The following PCDHGA12 variants were observed in gnomAD, a reference collection of about 807,000 sequenced individuals.
PCDHGA12 encodes the protein protocadherin gamma subfamily A, 12.
In PCDHGA12, 43 loss-of-function variants were observed where a neutral mutation model predicts 61.1. The observed-to-expected ratio is 0.70, with a 90% CI of 0.55 to 0.91. PCDHGA12 has a LOEUF of 0.91. Ranked by LOEUF, PCDHGA12 falls within the 40% of genes least tolerant of loss-of-function variation. The pLI is 0.00. For missense variants in PCDHGA12, 1,236 were observed against 1,227.7 expected (o/e 1.01, Z -0.10); for synonymous variants, 520 against 542.9 (o/e 0.96, Z 0.59).
intron 1 of PCDHGA12, among the ~76,000 whole-genome samples, chr5:141,472,145 A>G (rs1376068421): frequency 6.6e-6 from 1 of 152,244 alleles, no homozygotes; most frequent in Non-Finnish European, 1.5e-5. Flanking sequence ...TAAAAGTTTC[A>G]TGGTTACATA....
At chr5:141,440,763 T>A (rs2098198978) in intron 1 of PCDHGA12, 1 of 152,138 alleles carries the variant, frequency 6.6e-6, no homozygotes, top group Admixed American at 6.6e-5. Flanking sequence ...AGAGCTCCCA[T>A]CCCTTAGTGC....
In PCDHGA12 at chr5:141,476,476, C is replaced by T; in HGVS notation, c.2425-18331C>T. 6.2e-7 allele frequency: 1 copy of T among 1,613,986 alleles called. No homozygotes were observed. The highest frequency in any genetic ancestry group is 8.5e-7 in the Non-Finnish European group (1 of 1,179,992). On this transcript the variant is annotated intron_variant, in intron 1 of 3. Transcript: ENST00000252085. The surrounding 1 kb of genome is among the most constrained non-coding windows in gnomAD (Gnocchi z 7.6). Reference sequence around the variant, plus strand: ...TGGAGAACCCGCTGGAGCTGTTCAGCGTGGAAGTGGTGATCCAGGACATCA... The same window carrying T: ...TGGAGAACCCGCTGGAGCTGTTCAGTGTGGAAGTGGTGATCCAGGACATCA...
In PCDHGA12 at chr5:141,487,169, G is replaced by A. The variant is rs1259980100; in HGVS notation, c.2425-7638G>A. On this transcript the variant is annotated intron_variant, in intron 1 of 3. Coordinates refer to ENST00000252085, the MANE Select transcript of PCDHGA12 (RefSeq NM_003735.3). The surrounding 1 kb of genome is among the most constrained non-coding windows in gnomAD (Gnocchi z 5.0). ...CTCTGTTACTCTCTTAGTGTCCTTA[G>A]AGGAAGACACTCATCCAGTTGTCCC... 6.2e-7 allele frequency: 1 copy of A among 1,613,086 alleles called. No homozygotes were observed. Among genetic ancestry groups the A allele is most frequent in the South Asian group, 1.1e-5 (1 of 91,072 alleles).
At position 141,449,665 on chromosome 5, in the gene PCDHGA12, G is replaced by T. The variant is rs144213743; in HGVS notation, c.2424+16482G>T. 9.3e-5 allele frequency among the ~76,000 whole-genome samples: 14 copies of T among 150,156 alleles called. No individual in the cohort carries two copies. In the East Asian group the frequency reaches 2.7e-3, roughly 29 times the overall value. Reference sequence around the variant, plus strand: ...TATACATATTTACATACACACCCAAGTGTGTATGTATATATGTTTGTGTGT... The same window carrying T: ...TATACATATTTACATACACACCCAATTGTGTATGTATATATGTTTGTGTGT... On this transcript the variant is annotated intron_variant, in intron 1 of 3. Coordinates refer to ENST00000252085, the MANE Select transcript of PCDHGA12 (RefSeq NM_003735.3).
At chr5:141,438,362 T>C (rs1471364176) in intron 1 of PCDHGA12, among the ~76,000 whole-genome samples, 1 of 151,850 alleles carries the variant, frequency 6.6e-6, no homozygotes, top group East Asian at 1.9e-4. Flanking sequence ...TGTATTGTCA[T>C]TGAGGGCAGA....
At position 141,511,260 on chromosome 5, in the gene PCDHGA12, G is replaced by A; in HGVS notation, c.*87G>A. 6.4e-7 allele frequency: 1 copy of A among 1,558,596 alleles called. No individual in the cohort carries two copies. Among genetic ancestry groups the A allele is most frequent in the Non-Finnish European group, 8.7e-7 (1 of 1,151,758 alleles). On this transcript the variant is annotated 3_prime_UTR_variant, in exon 4 of 4. Transcript: ENST00000252085. ...CCTGCACCCAGGCCTCAGAGTTTCA[G>A]GGCTAACCCCCAGAATACTGGTAGG...
In PCDHGA12 at chr5:141,471,825, A is replaced by G. The variant is rs150400990; in HGVS notation, c.2425-22982A>G. Among the ~76,000 whole-genome samples, 61 of 152,344 alleles carry G rather than the reference A, an allele frequency of 4.0e-4. No individual in the cohort carries two copies. In the East Asian group the frequency reaches 0.011, roughly 27 times the overall value. ...ACATATAAAAGACTACCTATTTTAT[A>G]ATTCCTTTTTAATAAAATATTCAGA... On this transcript the variant is annotated intron_variant, in intron 1 of 3. Coordinates refer to ENST00000252085, the MANE Select transcript of PCDHGA12 (RefSeq NM_003735.3).
intron 3 of PCDHGA12, among the ~76,000 whole-genome samples, chr5:141,508,752 C>G (rs2099871515): frequency 6.6e-6 from 1 of 152,028 alleles, no homozygotes. Flanking sequence ...CGCTCTTTCT[C>G]TGGCGCCTCT....
In PCDHGA12 at chr5:141,431,814, T is replaced by C. The variant is rs1300319049; in HGVS notation, c.1055T>C (p.Leu352Pro). 1 of 1,614,246 alleles carries C rather than the reference T, an allele frequency of 6.2e-7. No homozygotes were observed. Among genetic ancestry groups the C allele is most frequent in the Non-Finnish European group, 8.5e-7 (1 of 1,180,044 alleles). The part of the protein sequence containing the change: ...DNAPEVVLTS[L>P]ASSVPENSPR... ...GCCCCAGAAGTGGTCCTCACCTCTC[T>C]CGCCAGCTCGGTTCCCGAAAACTCT... The change falls in exon 1 of 4, where the codon CTC becomes CCC. Residue 352 changes from leucine (L) to proline (P), a missense_variant. Coordinates refer to ENST00000252085, the MANE Select transcript of PCDHGA12 (RefSeq NM_003735.3). The surrounding 1 kb of genome is among the most constrained non-coding windows in gnomAD (Gnocchi z 4.8).
rs374154790 is a variant in PCDHGA12, at chr5:141,490,709, C to A, written c.2425-4098C>A. The A allele has an allele frequency of 3.2e-5, 52 of 1,614,218 alleles. No homozygotes were observed. In the African/African-American group the frequency reaches 6.3e-4, roughly 19 times the overall value. On this transcript the variant is annotated intron_variant, in intron 1 of 3. Coordinates refer to ENST00000252085, the MANE Select transcript of PCDHGA12 (RefSeq NM_003735.3). The surrounding 1 kb of genome is among the most constrained non-coding windows in gnomAD (Gnocchi z 5.4). ...GACACTGGGGATAATGCCCGCCTCA[C>A]CTACTCCATTGTAGGAAATCAGGTT...
intron 2 of PCDHGA12, among the ~76,000 whole-genome samples, chr5:141,495,663 G>T (rs756466649): frequency 6.6e-6 from 1 of 152,050 alleles, no homozygotes; most frequent in African/African-American, 2.4e-5. Context: ...GATCTGTGCC[G>T]CCCACTGTGC....
At chr5:141,436,778 G>A (rs2097846346) in intron 1 of PCDHGA12, among the ~76,000 whole-genome samples, 1 of 152,154 alleles carries the variant, frequency 6.6e-6, no homozygotes, top group African/African-American at 2.4e-5. Flanking sequence ...ATTTGTGGAT[G>A]GAAATAAAAC....
At chr5:141,502,291 G>A (rs1346186675) in intron 2 of PCDHGA12, among the ~76,000 whole-genome samples, 1 of 151,370 alleles carries the variant, frequency 6.6e-6, no homozygotes, top group African/African-American at 2.5e-5. Context: ...GCATTTGGTT[G>A]TCACGTCTTT....
At chr5:141,480,859 A>G (rs1197372110) in intron 1 of PCDHGA12, among the ~76,000 whole-genome samples, 2 of 152,178 alleles carry the variant, frequency 1.3e-5, no homozygotes, top group Non-Finnish European at 2.9e-5. Context: ...AGCCTGGCCA[A>G]TATGGTGAAA....
chr5:141,445,388 A>G (rs2098465525), intron 1 of PCDHGA12, among the ~76,000 whole-genome samples: 2 of 152,212 alleles, frequency 1.3e-5, no homozygotes, highest in African/African-American at 4.8e-5. Flanking sequence ...TCATTCATTT[A>G]CATAACAAAT....
chr5:141,485,654 G>A lies in PCDHGA12; in HGVS notation c.2425-9153G>A, dbSNP rs2099617203. 6.2e-7 allele frequency: 1 copy of A among 1,612,482 alleles called. No individual in the cohort carries two copies. The highest frequency in any genetic ancestry group is 8.5e-7 in the Non-Finnish European group (1 of 1,178,842). On this transcript the variant is annotated intron_variant, in intron 1 of 3. Coordinates refer to ENST00000252085, the MANE Select transcript of PCDHGA12 (RefSeq NM_003735.3). The surrounding 1 kb of genome is among the most constrained non-coding windows in gnomAD (Gnocchi z 5.7). ...CCCGTTGGAAAAGGCTCAGGATGCA[G>A]ATGTGGGGAGCAATTCGATTAGCAG... is the stretch of plus-strand genomic sequence containing the variant.
chr5:141,499,836 A>G (rs2099794751), intron 2 of PCDHGA12, among the ~76,000 whole-genome samples: 1 of 151,894 alleles, frequency 6.6e-6, no homozygotes, highest in African/African-American at 2.4e-5. Flanking sequence ...ACAGGTGTGC[A>G]CCACCACACA....
rs770619389 is a variant in PCDHGA12 at position 141,490,764 on chromosome 5, T to C, written c.2425-4043T>C. On this transcript the variant is annotated intron_variant, in intron 1 of 3. Coordinates refer to ENST00000252085, the MANE Select transcript of PCDHGA12 (RefSeq NM_003735.3). The surrounding 1 kb of genome is among the most constrained non-coding windows in gnomAD (Gnocchi z 5.4). ...GAGCCCCAGCCTCCTCCTTTGTGTA[T>C]GTCAACCCAGAGGATGGACGGATCT... is the stretch of plus-strand genomic sequence containing the variant. 22 of 1,613,970 alleles carry C rather than the reference T, an allele frequency of 1.4e-5. No individual in the cohort carries two copies. Among genetic ancestry groups the C allele is most frequent in the Non-Finnish European group, 1.6e-5 (19 of 1,179,928 alleles).
Position 141,487,687 on chromosome 5 carries a change from A to G in PCDHGA12, c.2425-7120A>G, listed in dbSNP as rs750431854. ...CAGGCATATGGCTAGGCCATGTCCTAGAGAGTACTGGCCTCTCAGTAAGTG... is the reference window on the plus strand; with the variant it reads ...CAGGCATATGGCTAGGCCATGTCCTGGAGAGTACTGGCCTCTCAGTAAGTG... On this transcript the variant is annotated intron_variant, in intron 1 of 3. Transcript: ENST00000252085. This position sits in a 1 kb window ranked among gnomAD's most constrained non-coding sequence, Gnocchi z 5.0. The G allele has an allele frequency of 1.9e-6, 3 of 1,606,256 alleles. No individual in the cohort carries two copies. The highest frequency in any genetic ancestry group is 3.4e-5 in the Admixed American group (2 of 58,832).
Sources: allele counts gnomAD v4.1 joint callset (sites outside exome capture counted in the v4.1 genomes callset), GRCh38; gene constraint gnomAD v4.1.1; non-coding constraint Gnocchi (gnomAD v3.1); transcripts MANE v1.5; gene names NCBI Gene and HGNC (gene_info 2026-07-23, HGNC 2026-07-21).